The following KDM4B variants were observed in gnomAD, a reference collection of about 807,000 sequenced individuals.
KDM4B encodes the protein lysine-specific demethylase 4B.
KDM4B carries 32 observed loss-of-function variants against 125.2 expected under a neutral mutation model. The observed-to-expected ratio is 0.26, with a 90% CI of 0.19 to 0.34. The LOEUF is 0.34. KDM4B is among the 10% of genes least tolerant of loss of function. The probability of loss-of-function intolerance (pLI) is 1.00; values close to 1 mark genes in which losing one functional copy is unlikely to be tolerated. For missense variants in KDM4B, 1,190 were observed against 1,577.7 expected, an observed-to-expected ratio of 0.75 and a Z score of 4.16; for synonymous variants, 721 against 677.9, an observed-to-expected ratio of 1.06 and a Z score of -0.99.
Position 5,142,238 on chromosome 19 carries a change from C to T in KDM4B, c.2551-1729C>T, listed in dbSNP as rs2291142. The stretch of plus-strand genomic sequence containing the variant: ...TTCCAGGCCCCCCACGGGCCGTAGA[C>T]CCTGACTCCCCGGCACACACTGGCC... On this transcript the variant is annotated intron_variant, in intron 18 of 22. Transcript: ENST00000159111. This position sits in a 1 kb window ranked among gnomAD's most constrained non-coding sequence, Gnocchi z 5.4. Among the ~76,000 whole-genome samples, 31,898 of 152,028 alleles carry T rather than the reference C, an allele frequency of 0.21. 3,463 individuals carry two copies. The highest frequency in any genetic ancestry group is 0.26 in the South Asian group (1,250 of 4,826).
At chr19:5,044,882 C>T (rs1011445786) in intron 5 of KDM4B, among the ~76,000 whole-genome samples, 27 of 152,202 alleles carry the variant, frequency 1.8e-4, no homozygotes, top group African/African-American at 6.3e-4. Context: ...CCTCTTTGAC[C>T]AAGCAATAGG....
At chr19:5,008,269 G>C (rs960806159) in intron 1 of KDM4B, among the ~76,000 whole-genome samples, 1 of 152,162 alleles carries the variant, frequency 6.6e-6, no homozygotes, top group African/African-American at 2.4e-5. Context: ...TGAAAAAACT[G>C]TTCTTTTTGC....
At chr19:5,094,781 C>A (rs956508177) in intron 9 of KDM4B, among the ~76,000 whole-genome samples, 4 of 152,192 alleles carry the variant, frequency 2.6e-5, no homozygotes, top group African/African-American at 7.2e-5. Context: ...CCACACGTAG[C>A]ACCGTATCCA....
rs139225560 is a variant in KDM4B at position 5,015,831 on chromosome 19, C to T, written c.-108-426C>T. ...TGCCTTGGCCCCTGTGCGGTCGCAG[C>T]CCCTGCCCCCCTCTCTCCCCGTGCT... On this transcript the variant is annotated intron_variant, in intron 1 of 22. Transcript: ENST00000159111. Among the ~76,000 whole-genome samples the T allele has an allele frequency of 4.2e-3, 640 of 152,348 alleles. 5 individuals are homozygous for T. Among genetic ancestry groups the T allele is most frequent in the African/African-American group, 0.014 (601 of 41,590 alleles).
chr19:5,019,649 CGTT>C (rs1196036346), intron 2 of KDM4B, among the ~76,000 whole-genome samples: 1 of 91,354 alleles, frequency 1.1e-5, no homozygotes, highest in South Asian at 3.9e-4. Context: ...TTTGTGTGGA[CGTT>C]GGTGTGCAGG....
At position 5,077,837 on chromosome 19, in the gene KDM4B, C is replaced by T. The variant is rs577411543; in HGVS notation, c.780+367C>T. 19 of 247,082 alleles carry T rather than the reference C, an allele frequency of 7.7e-5. No homozygotes were observed. The South Asian group carries it at 9.0e-4, about 12-fold the overall frequency. The allele number at this position is 247,082 out of a possible 1,614,324, so 15.3% of individuals were successfully genotyped here. ...AAACAGAGGGCAGGGCCCCTCGTCC[C>T]GTGCAAGGTGGGAACCTGGTTCCTA... On this transcript the variant is annotated intron_variant, in intron 8 of 22. Coordinates refer to ENST00000159111, the MANE Select transcript of KDM4B (RefSeq NM_015015.3).
chr19:5,043,304 T>G (rs1366874331), intron 5 of KDM4B, among the ~76,000 whole-genome samples: 2 of 118,904 alleles, frequency 1.7e-5, no homozygotes, highest in East Asian at 2.6e-4. Flanking sequence ...TATCCCGTGC[T>G]GTGTTTATCG....
intron 11 of KDM4B, among the ~76,000 whole-genome samples, chr19:5,125,838 C>T (rs2146037469): frequency 7.1e-6 from 1 of 141,678 alleles, no homozygotes; most frequent in South Asian, 2.5e-4. Flanking sequence ...TGGGAAGGAC[C>T]CAATCTGGCA....
chr19:5,044,845 C>G (rs911157024), intron 5 of KDM4B, among the ~76,000 whole-genome samples: 4 of 152,162 alleles, frequency 2.6e-5, no homozygotes, highest in Non-Finnish European at 5.9e-5. Flanking sequence ...AGCTGGAATC[C>G]TACAGTCGGT....
intron 13 of KDM4B, 67 bp downstream of exon 13, chr19:5,132,074 G>A (rs548939625): frequency 5.4e-6 from 8 of 1,483,586 alleles, no homozygotes; most frequent in East Asian, 2.4e-5. Flanking sequence ...GCTGGAGGGG[G>A]GGCCTGGCTC....
At chr19:5,086,326 C>T (rs973248588) in intron 9 of KDM4B, among the ~76,000 whole-genome samples, 3 of 151,954 alleles carry the variant, frequency 2.0e-5, no homozygotes, top group African/African-American at 4.8e-5. Context: ...AGCTAGGGCT[C>T]GGATCTGGTA....
At position 5,119,721 on chromosome 19, in the gene KDM4B, CGGCTGGGGCAGCGCTCCTAGAGGA is replaced by C; in HGVS notation, c.1193_1216del (p.Ala398_Gly405del). On this transcript the variant is annotated inframe_deletion, in exon 11 of 23. Coordinates refer to ENST00000159111, the MANE Select transcript of KDM4B (RefSeq NM_015015.3). ...GACCCCAAGTTCCCTGGGGAGGGTA[CGGCTGGGGCAGCGCTCCTAGAGGA>C]GGCTGGGGGCAGCGTGAAGGAGGAG... 6.4e-7 allele frequency: 1 copy of C among 1,551,818 alleles called. No homozygotes were observed. Among genetic ancestry groups the C allele is most frequent in the Non-Finnish European group, 8.7e-7 (1 of 1,147,568 alleles).
Position 5,119,586 on chromosome 19 carries a change from G to A in KDM4B, c.1116-67G>A. 2.1e-6 allele frequency: 3 copies of A among 1,434,724 alleles called. No individual in the cohort carries two copies. The South Asian group carries it at 3.7e-5, about 18-fold the overall frequency. The allele number at this position is 1,434,724 out of a possible 1,614,324, so 88.9% of individuals were successfully genotyped here. A position where few individuals can be genotyped will look rare whatever the true frequency, so the allele number is the denominator to read the frequency against. ...GGCGGGGGCTGCGTGCTGCCGGACAGAGTGCACAGACCTAGGGCTCTTCCC... is the reference window on the plus strand; with the variant it reads ...GGCGGGGGCTGCGTGCTGCCGGACAAAGTGCACAGACCTAGGGCTCTTCCC... On this transcript the variant is annotated intron_variant, in intron 10 of 22. Transcript: ENST00000159111.
intron 22 of KDM4B, 40 bp from the exon 23 acceptor site, chr19:5,151,295 T>G (rs1285695990): frequency 2.1e-6 from 3 of 1,428,604 alleles, no homozygotes; most frequent in Non-Finnish European, 2.8e-6. Flanking sequence ...GCACAGAGTG[T>G]CTCCACCGTG....
chr19:5,100,594 T>C (rs2038911298), intron 9 of KDM4B, among the ~76,000 whole-genome samples: 1 of 152,112 alleles, frequency 6.6e-6, no homozygotes, highest in Non-Finnish European at 1.5e-5. Context: ...CACTGGCTAA[T>C]TTTTTGTAGA....
intron 10 of KDM4B, chr19:5,113,310 T>C (rs2039188423): frequency 6.6e-6 from 1 of 151,810 alleles, no homozygotes; most frequent in Non-Finnish European, 1.5e-5. Flanking sequence ...TTGAAAGCCT[T>C]CAGTATGTAA....
intron 11 of KDM4B, among the ~76,000 whole-genome samples, chr19:5,125,089 G>A (rs1014701317): frequency 2.7e-5 from 4 of 150,294 alleles, no homozygotes; most frequent in Non-Finnish European, 4.4e-5. Flanking sequence ...TAGTAGACAC[G>A]GGGTCTCGCT....
chr19:4,980,459 T>C (rs2034599088), intron 1 of KDM4B, among the ~76,000 whole-genome samples: 2 of 143,014 alleles, frequency 1.4e-5, no homozygotes, highest in Admixed American at 7.1e-5. Context: ...AGTCTTACTC[T>C]GCCACCCAGG....
intron 5 of KDM4B, among the ~76,000 whole-genome samples, chr19:5,044,150 G>A (rs1447305796): frequency 2.1e-5 from 2 of 94,784 alleles, no homozygotes; most frequent in Non-Finnish European, 4.3e-5. Context: ...CTTATCCCAC[G>A]CGGTGTTTAT....
Sources: allele counts gnomAD v4.1 joint callset (sites outside exome capture counted in the v4.1 genomes callset), GRCh38; gene constraint gnomAD v4.1.1; non-coding constraint Gnocchi (gnomAD v3.1); transcripts MANE v1.5; gene names NCBI Gene and HGNC (gene_info 2026-07-23, HGNC 2026-07-21).